ATF7IP: variants seen among roughly 807,000 people sequenced by gnomAD.
The protein encoded by ATF7IP is activating transcription factor 7 interacting protein, also known as activating transcription factor 7-interacting protein 1.
In ATF7IP, 23 loss-of-function variants were observed where a neutral mutation model predicts 106.4. The observed-to-expected ratio is 0.22, with a 90% CI of 0.16 to 0.31. The LOEUF (loss-of-function observed/expected upper bound fraction) is 0.31, where lower values mean the gene tolerates loss of function less well. ATF7IP is among the 10% of genes least tolerant of loss of function. The probability of loss-of-function intolerance (pLI) is 1.00; values close to 1 mark genes in which losing one functional copy is unlikely to be tolerated. For missense variants in ATF7IP, 1,334 were observed against 1,524.3 expected (o/e 0.88, Z 2.08); for synonymous variants, 542 against 539.0 (o/e 1.01, Z -0.08).
At chr12:14,428,839 GAAGA>G (rs1207293734) in intron 2 of ATF7IP, among the ~76,000 whole-genome samples, 3 of 152,118 alleles carry the variant, frequency 2.0e-5, no homozygotes, top group Non-Finnish European at 4.4e-5. Flanking sequence ...TACAAAAGTA[GAAGA>G]AAGAACTAAA....
chr12:14,425,310 A>G lies in ATF7IP; in HGVS notation c.1395A>G (p.Pro465=). The G allele has an allele frequency of 6.8e-6, 11 of 1,608,580 alleles. No homozygotes were observed. Among genetic ancestry groups the G allele is most frequent in the Non-Finnish European group, 9.3e-6 (11 of 1,178,568 alleles). The change falls in exon 2 of 15, where the codon CCA becomes CCG. Residue 465 remains proline (P), a synonymous_variant. Coordinates refer to ENST00000261168, the MANE Select transcript of ATF7IP (RefSeq NM_018179.5). ...TCCTTCCAATCGATGAGACAAATCCAGATTTGGAAGAGAAAATGGAAAGTT... is the reference window on the plus strand; with the variant it reads ...TCCTTCCAATCGATGAGACAAATCCGGATTTGGAAGAGAAAATGGAAAGTT... ...TSLLPIDETN[P]DLEEKMESSF...
At chr12:14,437,394 T>C (rs544824743) in intron 4 of ATF7IP, among the ~76,000 whole-genome samples, 1 of 152,328 alleles carries the variant, frequency 6.6e-6, no homozygotes, top group East Asian at 1.9e-4. Context: ...AGTTTCTTTT[T>C]ATTTGACATA....
chr12:14,441,974 G>A (rs1942734596), intron 5 of ATF7IP, among the ~76,000 whole-genome samples: 1 of 152,140 alleles, frequency 6.6e-6, no homozygotes, highest in Non-Finnish European at 1.5e-5. Context: ...TTTATTATCA[G>A]TTCCACCAAT....
In ATF7IP at chr12:14,456,605, T is replaced by C. The variant is rs774736647; in HGVS notation, c.2040T>C (p.Asp680=). ...PPVSPGKTVN[D]VNSNNNMSYR... ...TATCACCAGGAAAAACTGTAAATGA[T>C]GTCAACAGCAATAATAACATGTCTT... Residue 680 remains aspartate, a synonymous_variant, in exon 7 of 15, where the codon GAT becomes GAC. Transcript: ENST00000261168. The C allele has an allele frequency of 8.1e-6, 13 of 1,612,426 alleles. No homozygotes were observed. In the South Asian group the frequency reaches 1.3e-4, roughly 16 times the overall value.
intron 2 of ATF7IP, among the ~76,000 whole-genome samples, chr12:14,428,339 C>T (rs529981283): frequency 6.6e-6 from 1 of 152,140 alleles, no homozygotes; most frequent in South Asian, 2.1e-4. Flanking sequence ...TGCCTTTAAT[C>T]TGATGGTATG....
At chr12:14,448,147 A>G (rs1943057770) in intron 6 of ATF7IP, among the ~76,000 whole-genome samples, 1 of 152,110 alleles carries the variant, frequency 6.6e-6, no homozygotes, top group Admixed American at 6.5e-5. Context: ...TAAATTGCCA[A>G]TATCAATAAA....
At chr12:14,487,581 C>T (rs1944665299) in intron 13 of ATF7IP, among the ~76,000 whole-genome samples, 1 of 152,078 alleles carries the variant, frequency 6.6e-6, no homozygotes, top group Non-Finnish European at 1.5e-5. Flanking sequence ...TGTAGGGAAG[C>T]TGTTCCAATC....
At chr12:14,475,868 A>G (rs1361393453) in intron 10 of ATF7IP, 22 bp from the exon 11 acceptor site, 14 of 1,594,278 alleles carry the variant, frequency 8.8e-6, no homozygotes, top group African/African-American at 2.7e-5. Flanking sequence ...TCTTTGTAAA[A>G]TGTAGAAGTT....
chr12:14,394,405 T>G (rs1939727981), intron 1 of ATF7IP, among the ~76,000 whole-genome samples: 1 of 152,194 alleles, frequency 6.6e-6, no homozygotes, highest in Non-Finnish European at 1.5e-5. Context: ...ATAAATTGGT[T>G]TTCTTTTATT....
intron 1 of ATF7IP, among the ~76,000 whole-genome samples, chr12:14,414,811 G>A (rs1941118753): frequency 1.3e-5 from 2 of 152,192 alleles, no homozygotes; most frequent in South Asian, 4.1e-4. Flanking sequence ...AGAAAAGTAA[G>A]AGTTATTTCC....
intron 13 of ATF7IP, among the ~76,000 whole-genome samples, chr12:14,494,974 C>T (rs543823569): frequency 1.2e-3 from 176 of 147,890 alleles, no homozygotes; most frequent in Admixed American, 2.6e-3. Context: ...AGTAGGCTGT[C>T]TGCAAGCTGA....
intron 1 of ATF7IP, among the ~76,000 whole-genome samples, chr12:14,375,775 A>G (rs1938714053): frequency 6.6e-6 from 1 of 152,248 alleles, no homozygotes; most frequent in Non-Finnish European, 1.5e-5. Context: ...TGCCTCACAC[A>G]TATCTCTAGC....
chr12:14,477,616 T>A (rs1479078081), intron 11 of ATF7IP, among the ~76,000 whole-genome samples: 3 of 152,228 alleles, frequency 2.0e-5, no homozygotes, highest in Non-Finnish European at 4.4e-5. Flanking sequence ...TGTCTCAAAT[T>A]CTCACATTCC....
chr12:14,490,532 A>G (rs1033943628), intron 13 of ATF7IP, among the ~76,000 whole-genome samples: 7 of 152,198 alleles, frequency 4.6e-5, no homozygotes, highest in African/African-American at 1.7e-4. Flanking sequence ...CACTGAGAAG[A>G]TGTTCCTTCA....
intron 12 of ATF7IP, among the ~76,000 whole-genome samples, chr12:14,479,541 A>G (rs555743803): frequency 6.1e-4 from 93 of 152,304 alleles, no homozygotes; most frequent in African/African-American, 2.2e-3. Flanking sequence ...TTTATACTTA[A>G]AACACCAGAT....
At chr12:14,489,097 C>T (rs928680372) in intron 13 of ATF7IP, among the ~76,000 whole-genome samples, 2 of 152,184 alleles carry the variant, frequency 1.3e-5, no homozygotes, top group Non-Finnish European at 2.9e-5. Flanking sequence ...GGAGTGACCC[C>T]ATCCTTCATT....
In ATF7IP at chr12:14,478,606, T is replaced by C. The variant is rs531813041; in HGVS notation, c.3097+134T>C. The C allele has an allele frequency of 1.7e-5, 16 of 965,294 alleles. No individual in the cohort carries two copies. In the Admixed American group the frequency reaches 1.9e-4, roughly 11 times the overall value. The allele number at this position is 965,294 out of a possible 1,614,324, so 59.8% of individuals were successfully genotyped here. On this transcript the variant is annotated intron_variant, in intron 12 of 14. Coordinates refer to ENST00000261168, the MANE Select transcript of ATF7IP (RefSeq NM_018179.5). ...TTTGAGGACTACAGTGCATGTCCTT[T>C]TGAAGGCAGTATAACTTAGTTTTTC...
intron 1 of ATF7IP, among the ~76,000 whole-genome samples, chr12:14,397,633 C>T (rs1939923025): frequency 6.6e-6 from 1 of 152,162 alleles, no homozygotes; most frequent in Admixed American, 6.5e-5. Context: ...CTGTCTGTAG[C>T]TCTCTTTCTC....
chr12:14,489,395 T>G (rs1944733287), intron 13 of ATF7IP, among the ~76,000 whole-genome samples: 1 of 152,168 alleles, frequency 6.6e-6, no homozygotes, highest in Admixed American at 6.5e-5. Flanking sequence ...AATGGAATCA[T>G]TTTGTCTCCT....
Sources: allele counts gnomAD v4.1 joint callset (sites outside exome capture counted in the v4.1 genomes callset), GRCh38; gene constraint gnomAD v4.1.1; transcripts MANE v1.5; gene names NCBI Gene and HGNC (gene_info 2026-07-23, HGNC 2026-07-21).